Variants in THSD4 observed in about 807,000 individuals in gnomAD.
THSD4 encodes thrombospondin type-1 domain-containing protein 4.
In THSD4, 69 loss-of-function variants were observed where a neutral mutation model predicts 119.0. The ratio of observed to expected loss-of-function variants is 0.58; its 90% CI spans 0.48 to 0.71. THSD4 has a LOEUF of 0.71. Ranked by LOEUF, THSD4 falls within the 30% of genes least tolerant of loss-of-function variation. The pLI is 0.00. For synonymous variants in THSD4, 524 were observed against 540.4 expected (o/e 0.97, Z 0.42); for missense variants, 1,393 against 1,391.1 (o/e 1.00, Z -0.02).
intron 8 of THSD4, among the ~76,000 whole-genome samples, chr15:71,698,523 A>G (rs1338636389): frequency 6.6e-6 from 1 of 151,512 alleles, no homozygotes; most frequent in Admixed American, 6.6e-5. Flanking sequence ...TTCAATTGAG[A>G]TCAGTGAACT....
At chr15:71,616,190 G>C (rs997612250) in intron 7 of THSD4, among the ~76,000 whole-genome samples, 32 of 152,140 alleles carry the variant, frequency 2.1e-4, no homozygotes, top group Admixed American at 2.0e-3. Flanking sequence ...AGACAGACTT[G>C]AATAGCTGAT....
At chr15:71,551,864 T>A (rs1298404614) in intron 7 of THSD4, among the ~76,000 whole-genome samples, 1 of 152,144 alleles carries the variant, frequency 6.6e-6, no homozygotes, top group Non-Finnish European at 1.5e-5. Context: ...AACCATATTG[T>A]CTATACAGTA....
intron 7 of THSD4, among the ~76,000 whole-genome samples, chr15:71,444,667 A>G (rs955044305): frequency 6.6e-6 from 1 of 152,108 alleles, no homozygotes; most frequent in African/African-American, 2.4e-5. Context: ...CCTCCACTCA[A>G]TGAGTCCCCA....
intron 7 of THSD4, among the ~76,000 whole-genome samples, chr15:71,531,264 A>G (rs562484502): frequency 3.9e-5 from 6 of 152,182 alleles, no homozygotes; most frequent in Non-Finnish European, 5.9e-5. Flanking sequence ...TACAGGCAAT[A>G]GGAAACGCCT....
chr15:71,396,336 C>T (rs1275546855), intron 6 of THSD4, among the ~76,000 whole-genome samples: 3 of 152,068 alleles, frequency 2.0e-5, no homozygotes, highest in Non-Finnish European at 2.9e-5. Flanking sequence ...GTATACATAC[C>T]TATTTTACTG....
intron 7 of THSD4, among the ~76,000 whole-genome samples, chr15:71,643,857 C>T (rs893437870): frequency 5.9e-5 from 9 of 152,186 alleles, no homozygotes; most frequent in Non-Finnish European, 1.2e-4. Context: ...AAATTACAGA[C>T]AGTCTCTTTG....
At chr15:71,362,954 A>G (rs975272121) in intron 6 of THSD4, among the ~76,000 whole-genome samples, 1 of 146,970 alleles carries the variant, frequency 6.8e-6, no homozygotes, top group African/African-American at 2.5e-5. Context: ...ACTAACACGA[A>G]TGATAGCTGA....
At chr15:71,765,796 G>A (rs995923112) in intron 16 of THSD4, among the ~76,000 whole-genome samples, 1 of 124,730 alleles carries the variant, frequency 8.0e-6, no homozygotes, top group Non-Finnish European at 1.5e-5. Flanking sequence ...CTCTCTGTGT[G>A]TGTGTGTGTG....
chr15:71,602,553 C>CAAAA lies in THSD4; in HGVS notation c.1153-57953_1153-57950dup, dbSNP rs59370074. ...GGACAATAAGAGTGAAACTCTGTCT[C>CAAAA]AAAAAAAAAAAAAAAAAAAAAAAAA... is the stretch of plus-strand genomic sequence containing the variant. On this transcript the variant is annotated intron_variant, in intron 7 of 17. Transcript: ENST00000261862. 6.4e-3 allele frequency among the ~76,000 whole-genome samples: 342 copies of CAAAA among 53,858 alleles called. 8 individuals carry two copies. Among genetic ancestry groups the CAAAA allele is most frequent in the African/African-American group, 0.016 (248 of 15,328 alleles). The allele number at this position is 53,858 out of a possible 152,430, so 35.3% of individuals were successfully genotyped here.
At chr15:71,516,093 G>T (rs1391757418) in intron 7 of THSD4, among the ~76,000 whole-genome samples, 1 of 152,214 alleles carries the variant, frequency 6.6e-6, no homozygotes. Flanking sequence ...ACAGCGGAAT[G>T]CTTAGTAATG....
At chr15:71,343,757 C>T (rs891626959) in intron 6 of THSD4, among the ~76,000 whole-genome samples, 7 of 145,864 alleles carry the variant, frequency 4.8e-5, no homozygotes, top group Admixed American at 7.1e-5. Flanking sequence ...GCTCTGTTAC[C>T]CAGGTTGGAG....
chr15:71,188,811 C>G (rs1189233447), intron 3 of THSD4: 1 of 152,586 alleles, frequency 6.6e-6, no homozygotes, highest in Non-Finnish European at 1.5e-5. Context: ...AAAGGATACA[C>G]TTACAGGAGC....
At chr15:71,727,874 G>C (rs1253123543) in intron 8 of THSD4, among the ~76,000 whole-genome samples, 1 of 150,976 alleles carries the variant, frequency 6.6e-6, no homozygotes, top group Non-Finnish European at 1.5e-5. Flanking sequence ...AAATAAAGGG[G>C]TAATAAACTG....
chr15:71,217,465 A>G (rs930747933), intron 4 of THSD4, among the ~76,000 whole-genome samples: 15 of 151,940 alleles, frequency 9.9e-5, no homozygotes, highest in African/African-American at 3.6e-4. Flanking sequence ...AAAAATACAC[A>G]CACAAAAATT....
intron 6 of THSD4, among the ~76,000 whole-genome samples, chr15:71,257,804 G>T (rs1256293109): frequency 1.3e-5 from 2 of 152,002 alleles, no homozygotes; most frequent in African/African-American, 4.8e-5. Flanking sequence ...TTCTCAGAGT[G>T]GTCCCATGAC....
chr15:71,352,913 G>A (rs144234321), intron 6 of THSD4, among the ~76,000 whole-genome samples: 6 of 152,342 alleles, frequency 3.9e-5, no homozygotes, highest in African/African-American at 1.2e-4. Context: ...AGGGAGCATC[G>A]TGAGCAATGG....
chr15:71,119,030 A>G (rs1242780353), intron 1 of THSD4, among the ~76,000 whole-genome samples: 1 of 152,280 alleles, frequency 6.6e-6, no homozygotes, highest in East Asian at 1.9e-4. Context: ...CACTGGGGCC[A>G]TGCTTAGTGA....
chr15:71,485,163 T>C (rs1201221830), intron 7 of THSD4, among the ~76,000 whole-genome samples: 1 of 152,204 alleles, frequency 6.6e-6, no homozygotes, highest in Non-Finnish European at 1.5e-5. Flanking sequence ...TGATGGCTTT[T>C]TCTAGGCCCC....
intron 16 of THSD4, among the ~76,000 whole-genome samples, chr15:71,768,726 G>C (rs1345147344): frequency 2.7e-5 from 4 of 150,520 alleles, no homozygotes; most frequent in African/African-American, 9.8e-5. Context: ...CACCATGCAC[G>C]GCTAATTTTT....
Sources: gnomAD v4.1 joint callset for allele counts (sites outside exome capture counted in the v4.1 genomes callset) on GRCh38, gnomAD v4.1.1 for gene constraint, MANE v1.5 for transcripts, NCBI Gene and HGNC (gene_info 2026-07-23, HGNC 2026-07-21) for gene names.